Variants in FAM81B observed in about 807,000 individuals in gnomAD.
FAM81B encodes protein FAM81B.
In FAM81B, 60 loss-of-function variants were observed where a neutral mutation model predicts 58.7. The observed-to-expected ratio is 1.02, with a 90% CI of 0.83 to 1.27. FAM81B has a LOEUF of 1.27. FAM81B is among the 50% of genes most tolerant of loss of function. The pLI is 0.00. For synonymous variants in FAM81B, 189 were observed against 179.6 expected (o/e 1.05, Z -0.42); for missense variants, 491 against 522.0 (o/e 0.94, Z 0.58).
At chr5:95,423,606 T>C (rs1475705513) in intron 5 of FAM81B, among the ~76,000 whole-genome samples, 1 of 150,624 alleles carries the variant, frequency 6.6e-6, no homozygotes, top group Non-Finnish European at 1.5e-5. Context: ...AGCAAAATCA[T>C]GTTCTTTAAA....
chr5:95,440,360 G>A (rs1310712935), intron 7 of FAM81B: 1 of 788,894 alleles, frequency 1.3e-6, no homozygotes, highest in East Asian at 3.2e-5. Context: ...CTGATGTTAA[G>A]GCTGGTGTGA....
At chr5:95,394,549 A>G (rs1761912839) in intron 2 of FAM81B, among the ~76,000 whole-genome samples, 1 of 152,230 alleles carries the variant, frequency 6.6e-6, no homozygotes, top group Non-Finnish European at 1.5e-5. Context: ...AACACTCTCC[A>G]CGGCAGAAGG....
chr5:95,440,213 G>C, intron 7 of FAM81B: 1 of 651,050 alleles, frequency 1.5e-6, no homozygotes, highest in Non-Finnish European at 3.0e-6. Context: ...CTATTGACTG[G>C]CTTCTCGGTC....
At chr5:95,408,422 G>T (rs902204477) in intron 3 of FAM81B, among the ~76,000 whole-genome samples, 2 of 152,082 alleles carry the variant, frequency 1.3e-5, no homozygotes, top group Non-Finnish European at 2.9e-5. Context: ...CTGTTAGTAG[G>T]CAGCCCTCTC....
At chr5:95,448,847 C>T (rs2152771459) in intron 9 of FAM81B, 1 of 410,718 alleles carries the variant, frequency 2.4e-6, no homozygotes, top group East Asian at 7.1e-5. Context: ...CATTGAACTA[C>T]AAGTAATGAG....
intron 3 of FAM81B, among the ~76,000 whole-genome samples, chr5:95,408,841 A>T: frequency 6.6e-6 from 1 of 152,226 alleles, no homozygotes; most frequent in East Asian, 1.9e-4. Context: ...GGAGTAGTGT[A>T]TGGACACGGT....
intron 6 of FAM81B, among the ~76,000 whole-genome samples, chr5:95,431,859 A>G (rs959369711): frequency 1.3e-5 from 2 of 151,976 alleles, no homozygotes; most frequent in African/African-American, 4.8e-5. Flanking sequence ...CTTCCTCCCC[A>G]AGAACACAAT....
chr5:95,412,168 C>T (rs1198627987), intron 3 of FAM81B, among the ~76,000 whole-genome samples: 2 of 151,806 alleles, frequency 1.3e-5, no homozygotes, highest in Non-Finnish European at 2.9e-5. Flanking sequence ...ACATGACTCT[C>T]GTCAGAGAAT....
chr5:95,437,694 C>T lies in FAM81B; in HGVS notation c.893+788C>T, dbSNP rs762540813. ...CCATCTTAAACTGAATTTTTTCCTC[C>T]ACTCAATGGAGAAAGCAGTAAAGGA... is the stretch of plus-strand genomic sequence containing the variant. On this transcript the variant is annotated intron_variant, in intron 7 of 9. Coordinates refer to ENST00000283357, the MANE Select transcript of FAM81B (RefSeq NM_152548.3). Among the ~76,000 whole-genome samples the T allele has an allele frequency of 3.3e-4, 50 of 152,252 alleles. 1 individual carries two copies. The Middle Eastern group carries it at 0.014, about 41-fold the overall frequency.
intron 5 of FAM81B, among the ~76,000 whole-genome samples, chr5:95,426,832 A>G (rs1187829521): frequency 1.3e-5 from 2 of 152,142 alleles, no homozygotes; most frequent in Non-Finnish European, 2.9e-5. Flanking sequence ...GCCGATCACG[A>G]GGTCAGGAGC....
At chr5:95,424,150 C>CTA in intron 5 of FAM81B, 2 of 1,289,812 alleles carry the variant, frequency 1.6e-6, no homozygotes, top group Non-Finnish European at 2.0e-6. Context: ...ATAGAGGATG[C>CTA]TATCTACCAG....
At chr5:95,397,452 ACT>A (rs1309622598) in intron 3 of FAM81B, among the ~76,000 whole-genome samples, 1 of 152,156 alleles carries the variant, frequency 6.6e-6, no homozygotes, top group African/African-American at 2.4e-5. Flanking sequence ...TCCCCACCTG[ACT>A]CTCTACATGA....
intron 3 of FAM81B, among the ~76,000 whole-genome samples, chr5:95,406,601 T>TG (rs1214545142): frequency 1.3e-5 from 2 of 152,042 alleles, no homozygotes. Flanking sequence ...TCCCAACAGT[T>TG]GGGGGGTATA....
chr5:95,418,527 CCACAGTGTGTACGA>C (rs1762595183), intron 4 of FAM81B, among the ~76,000 whole-genome samples: 1 of 152,124 alleles, frequency 6.6e-6, no homozygotes, highest in East Asian at 1.9e-4. Context: ...AGAGTTACAG[CCACAGTGTGTACGA>C]TATTATAGTA....
chr5:95,396,044 T>C, intron 2 of FAM81B, 67 bp from the exon 3 acceptor site: 1 of 1,259,584 alleles, frequency 7.9e-7, no homozygotes, highest in South Asian at 1.3e-5. Context: ...TCTTTAAAGA[T>C]AAACTGCATA....
At chr5:95,418,197 A>G (rs1188643300) in intron 4 of FAM81B, among the ~76,000 whole-genome samples, 1 of 152,182 alleles carries the variant, frequency 6.6e-6, no homozygotes, top group East Asian at 1.9e-4. Context: ...CTCTCTGCCC[A>G]TTAGTCACTC....
At chr5:95,396,866 G>A (rs1761979372) in intron 3 of FAM81B, 1 of 152,184 alleles carries the variant, frequency 6.6e-6, no homozygotes, top group African/African-American at 2.4e-5. Flanking sequence ...CTACTTTGCT[G>A]TGTAACACCA....
At chr5:95,393,522 G>A (rs1761886330) in intron 2 of FAM81B, among the ~76,000 whole-genome samples, 1 of 152,188 alleles carries the variant, frequency 6.6e-6, no homozygotes, top group South Asian at 2.1e-4. Context: ...ATCATACAAA[G>A]TTATTGTGGG....
chr5:95,400,372 C>T (rs1762074126), intron 3 of FAM81B, among the ~76,000 whole-genome samples: 1 of 151,940 alleles, frequency 6.6e-6, no homozygotes, highest in African/African-American at 2.4e-5. Flanking sequence ...TGGTATCTCC[C>T]TGTGTTTCTG....
Sources: gnomAD v4.1 joint callset for allele counts (sites outside exome capture counted in the v4.1 genomes callset) on GRCh38, gnomAD v4.1.1 for gene constraint, MANE v1.5 for transcripts, NCBI Gene and HGNC (gene_info 2026-07-23, HGNC 2026-07-21) for gene names.